Variants in WWC1 observed in about 807,000 individuals in gnomAD.
WWC1 encodes WW and C2 domain containing 1, also known as protein KIBRA.
WWC1 carries 55 observed loss-of-function variants against 138.4 expected under a neutral mutation model. The observed-to-expected ratio is 0.40, with a 90% CI of 0.32 to 0.50. The LOEUF is 0.50. Ranked by LOEUF, WWC1 falls within the 20% of genes least tolerant of loss-of-function variation. WWC1 has a pLI of 0.72. For missense variants in WWC1, 1,226 were observed against 1,420.4 expected (o/e 0.86, Z 2.20); for synonymous variants, 524 against 564.9 (o/e 0.93, Z 1.03).
chr5:168,468,010 C>A (rs201933988), intron 22 of WWC1, 46 bp downstream of exon 22: 10 of 1,611,046 alleles, frequency 6.2e-6, no homozygotes, highest in Non-Finnish European at 3.4e-6. Context: ...CTCAGCCAAC[C>A]CACGGCCTTA....
At chr5:168,321,052 G>A (rs534801406) in intron 1 of WWC1, among the ~76,000 whole-genome samples, 36 of 152,232 alleles carry the variant, frequency 2.4e-4, no homozygotes, top group Admixed American at 1.6e-3. Flanking sequence ...ATGGGTTACC[G>A]TAGGCCGCTG....
intron 18 of WWC1, among the ~76,000 whole-genome samples, chr5:168,454,901 T>A (rs1756169906): frequency 6.6e-6 from 1 of 152,252 alleles, no homozygotes; most frequent in South Asian, 2.1e-4. Context: ...CCTGATGGGT[T>A]GGTTTTAAAA....
At position 168,292,357 on chromosome 5, in the gene WWC1, G is replaced by C; in HGVS notation, c.119+86G>C. 2.7e-6 allele frequency: 4 copies of C among 1,477,022 alleles called. No homozygotes were observed. The highest frequency in any genetic ancestry group is 2.5e-5 in the South Asian group (2 of 79,526). 91.5% of individuals were successfully genotyped at this position (1,477,022 alleles called of 1,614,324 possible). A position where few individuals can be genotyped will look rare whatever the true frequency, so the allele number is the denominator to read the frequency against. On this transcript the variant is annotated intron_variant, in intron 1 of 22. Coordinates refer to ENST00000265293, the MANE Select transcript of WWC1 (RefSeq NM_015238.3). The surrounding 1 kb of genome is among the most constrained non-coding windows in gnomAD (Gnocchi z 4.4). ...TGGAGCCGCCGGCCGGGACTGGGAG[G>C]GGGCAGGGGAGCTCTGCGTGCCTCT... is the stretch of plus-strand genomic sequence containing the variant.
chr5:168,391,938 G>A (rs1778547605), intron 3 of WWC1, among the ~76,000 whole-genome samples: 1 of 151,864 alleles, frequency 6.6e-6, no homozygotes, highest in Non-Finnish European at 1.5e-5. Context: ...GTTCTATAGG[G>A]CACTTGCAAA....
intron 9 of WWC1, among the ~76,000 whole-genome samples, chr5:168,418,788 A>G (rs1780860834): frequency 1.3e-5 from 2 of 152,070 alleles, no homozygotes; most frequent in Admixed American, 6.5e-5. Flanking sequence ...CTGGACCTCA[A>G]CTGTTCCTGA....
intron 15 of WWC1, among the ~76,000 whole-genome samples, chr5:168,437,740 T>C (rs1317860802): frequency 2.6e-5 from 4 of 152,200 alleles, no homozygotes; most frequent in Admixed American, 1.3e-4. Context: ...ATAAACAGTA[T>C]ATCTTGTTAG....
intron 9 of WWC1, 73 bp from the exon 10 acceptor site, chr5:168,421,935 G>A: frequency 7.7e-7 from 1 of 1,296,160 alleles, no homozygotes; most frequent in Non-Finnish European, 1.1e-6. Context: ...CTGTGGGTCT[G>A]GGTGTACATG....
chr5:168,312,763 C>T (rs1771229471), intron 1 of WWC1, among the ~76,000 whole-genome samples: 1 of 151,580 alleles, frequency 6.6e-6, no homozygotes, highest in African/African-American at 2.4e-5. Flanking sequence ...GTGGTGCCAA[C>T]CGCAGCAGCT....
intron 13 of WWC1, 100 bp downstream of exon 13, chr5:168,428,887 T>A: frequency 4.6e-6 from 6 of 1,290,432 alleles, no homozygotes; most frequent in Non-Finnish European, 6.6e-6. Flanking sequence ...CCGCCCAGGG[T>A]GGAAGGCAGC....
Position 168,424,012 on chromosome 5 carries a change from C to T in WWC1, c.1754C>T (p.Ala585Val), listed in dbSNP as rs763665561. ...TGTGAACTGAGCCTTGGTAACAGCG[C>T]CCAGGAAAGATACCGGCTGGAGGAA... Reference protein sequence around the residue: ...TLCELSLGNSAQERYRLEEPG... With the variant: ...TLCELSLGNSVQERYRLEEPG... The change falls in exon 11 of 23, where the codon GCC (alanine) becomes GTC (valine). Residue 585 changes from alanine (A) to valine (V), a missense_variant. Physicochemically the swap from Ala to Val is moderately conservative, Grantham distance 64. Around this residue, in one of 3 missense-constraint regions of WWC1, gnomAD observed 1,016 missense variants for 1,153.9 expected, o/e 0.88. Transcript: ENST00000265293. The T allele has an allele frequency of 4.3e-6, 7 of 1,613,520 alleles. No homozygotes were observed. The highest frequency in any genetic ancestry group is 5.1e-6 in the Non-Finnish European group (6 of 1,179,690).
intron 20 of WWC1, among the ~76,000 whole-genome samples, chr5:168,462,011 G>A (rs1033336482): frequency 3.3e-5 from 5 of 151,804 alleles, no homozygotes; most frequent in African/African-American, 4.8e-5. Context: ...AGCCGAGATC[G>A]CGCCGTTGCA....
chr5:168,353,621 A>G (rs1181899591), intron 1 of WWC1, among the ~76,000 whole-genome samples: 1 of 152,238 alleles, frequency 6.6e-6, no homozygotes. Flanking sequence ...CACCTGGACC[A>G]TGATCTAGAG....
chr5:168,378,211 T>C (rs940983855), intron 2 of WWC1, among the ~76,000 whole-genome samples: 5 of 152,148 alleles, frequency 3.3e-5, no homozygotes, highest in Admixed American at 1.3e-4. Context: ...ACTTTATTTT[T>C]TTGAGAGTGG....
intron 11 of WWC1, among the ~76,000 whole-genome samples, chr5:168,426,617 G>A (rs1374298769): frequency 6.6e-6 from 1 of 152,238 alleles, no homozygotes; most frequent in Non-Finnish European, 1.5e-5. Flanking sequence ...TTAGTGGAGG[G>A]TGGAGATGCG....
At chr5:168,408,799 C>A (rs1780008513) in intron 7 of WWC1, 146 bp downstream of exon 7, 1 of 1,124,542 alleles carries the variant, frequency 8.9e-7, no homozygotes, top group Admixed American at 2.4e-5. Context: ...CCCTCTGGAG[C>A]TCTGTTCTCT....
At chr5:168,406,401 G>A (rs2152837298) in intron 6 of WWC1, 74 bp downstream of exon 6, 1 of 1,585,224 alleles carries the variant, frequency 6.3e-7, no homozygotes, top group South Asian at 1.1e-5. Flanking sequence ...TCGTATGCGG[G>A]CTATTTCCAC....
chr5:168,327,389 T>G (rs1772655063), intron 1 of WWC1, among the ~76,000 whole-genome samples: 1 of 152,250 alleles, frequency 6.6e-6, no homozygotes, highest in Non-Finnish European at 1.5e-5. Context: ...GCCCAGGACC[T>G]AAGAGCAGGA....
At chr5:168,306,781 G>A (rs1770598575) in intron 1 of WWC1, among the ~76,000 whole-genome samples, 1 of 152,106 alleles carries the variant, frequency 6.6e-6, no homozygotes, top group African/African-American at 2.4e-5. Context: ...ATTTTTAGTA[G>A]AGATGGGGTT....
intron 1 of WWC1, among the ~76,000 whole-genome samples, chr5:168,325,361 A>C (rs970016271): frequency 5.9e-5 from 9 of 152,172 alleles, no homozygotes; most frequent in Non-Finnish European, 1.2e-4. Context: ...GGAGTGGTGG[A>C]TGGCATCATT....
Sources: allele counts gnomAD v4.1 joint callset (sites outside exome capture counted in the v4.1 genomes callset), GRCh38; gene constraint gnomAD v4.1.1; regional missense constraint gnomAD v4.1.1; non-coding constraint Gnocchi (gnomAD v3.1); transcripts MANE v1.5; gene names NCBI Gene and HGNC (gene_info 2026-07-23, HGNC 2026-07-21).